ANK1: variants seen among roughly 807,000 people sequenced by gnomAD.
ANK1 encodes ankyrin-1.
A neutral mutation model predicts 210.4 loss-of-function variants in ANK1; 51 were observed. The observed-to-expected ratio is 0.24, with a 90% CI of 0.19 to 0.31. The LOEUF (loss-of-function observed/expected upper bound fraction) is 0.31. Ranked by LOEUF, ANK1 falls within the 10% of genes least tolerant of loss-of-function variation. ANK1 has a pLI of 1.00. For missense variants in ANK1, 2,051 were observed against 2,504.4 expected, an observed-to-expected ratio of 0.82 and a Z score of 3.86; for synonymous variants, 967 against 1,025.9, an observed-to-expected ratio of 0.94 and a Z score of 1.10.
At position 41,693,144 on chromosome 8, in the gene ANK1, G is replaced by A. The variant is rs760066778; in HGVS notation, c.3590C>T (p.Ala1197Val). 6.8e-6 allele frequency: 11 copies of A among 1,613,790 alleles called. No individual in the cohort carries two copies. The East Asian group carries it at 2.2e-4, about 33-fold the overall frequency. Residue 1197 changes from alanine to valine, a missense_variant, in exon 30 of 43, where the codon GCC (alanine) becomes GTC (valine). Ala to Val is a moderately conservative substitution (Grantham distance 64, BLOSUM62 0). Transcript: ENST00000289734. ...GGTGGTGAAGTTGGCGCACTCGTTG[G>A]CATATACAAGTTTGGTGGTTCCTGT... ...DITGTTKLVY[A>V]NECANFTTNV...
At chr8:41,867,962 C>T (rs1292548614) in intron 1 of ANK1, among the ~76,000 whole-genome samples, 2 of 152,196 alleles carry the variant, frequency 1.3e-5, no homozygotes, top group Non-Finnish European at 2.9e-5. Context: ...CAGGTTCAAG[C>T]GATTCTCGTG....
intron 37 of ANK1, among the ~76,000 whole-genome samples, chr8:41,682,215 C>T (rs1030101966): frequency 1.3e-5 from 2 of 152,078 alleles, no homozygotes; most frequent in Non-Finnish European, 2.9e-5. Context: ...GTCCTGTGAA[C>T]GCATCAGGAA....
rs148421003 is a variant in ANK1 at position 41,713,223 on chromosome 8, C to T, written c.1800+933G>A. Among the ~76,000 whole-genome samples, 552 of 152,318 alleles carry T rather than the reference C, an allele frequency of 3.6e-3. 4 individuals carry two copies. Among genetic ancestry groups the T allele is most frequent in the Non-Finnish European group, 5.3e-3 (360 of 68,030 alleles). ...GATCTCCCATAAATTATCCTGTTTC[C>T]CGTGCGCCTGGCTGCCCCATAGAGT... On this transcript the variant is annotated intron_variant, in intron 16 of 42. Coordinates refer to ENST00000289734, the MANE Select transcript of ANK1 (RefSeq NM_000037.4).
chr8:41,716,203 C>T (rs1161802167), intron 13 of ANK1, among the ~76,000 whole-genome samples: 2 of 152,104 alleles, frequency 1.3e-5, no homozygotes, highest in East Asian at 3.9e-4. Context: ...GCATAAAAGG[C>T]ACTCAATGCA....
intron 1 of ANK1, among the ~76,000 whole-genome samples, chr8:41,810,233 T>C (rs1802281364): frequency 6.6e-6 from 1 of 152,254 alleles, no homozygotes; most frequent in Non-Finnish European, 1.5e-5. Flanking sequence ...TTATTCATAG[T>C]TTGGCATTTC....
At chr8:41,763,915 G>C (rs1279759955) in intron 1 of ANK1, among the ~76,000 whole-genome samples, 1 of 27,324 alleles carries the variant, frequency 3.7e-5, no homozygotes. Context: ...TTTTTTTTTT[G>C]GGCTTCTCCA....
chr8:41,665,126 C>A, intron 39 of ANK1: 1 of 1,547,430 alleles, frequency 6.5e-7, no homozygotes, highest in Non-Finnish European at 8.7e-7. Flanking sequence ...CCCCAGGGAC[C>A]CCTTGCATTC....
intron 1 of ANK1, among the ~76,000 whole-genome samples, chr8:41,884,564 G>A (rs567033655): frequency 7.4e-4 from 113 of 152,094 alleles, no homozygotes; most frequent in Non-Finnish European, 1.4e-3. Context: ...GCCGAGCACC[G>A]CGGCTCGCAT....
Position 41,714,187 on chromosome 8 carries a change from G to A in ANK1, c.1769C>T (p.Pro590Leu), listed in dbSNP as rs749145574. 3 of 1,468,408 alleles carry A rather than the reference G, an allele frequency of 2.0e-6. No homozygotes were observed. Among genetic ancestry groups the A allele is most frequent in the African/African-American group, 1.4e-5 (1 of 72,148 alleles). The allele number at this position is 1,468,408 out of a possible 1,614,324, so 91.0% of individuals were successfully genotyped here. A position where few individuals can be genotyped will look rare whatever the true frequency, so the allele number is the denominator to read the frequency against. Residue 590 changes from proline to leucine, a missense_variant, in exon 16 of 43, where the codon CCC becomes CTC. Physicochemically the swap from Pro to Leu is moderately conservative, Grantham distance 98 (BLOSUM62 -3). This residue lies in a region of ANK1 where 1,413 missense variants were observed against 1,707.4 expected (regional missense o/e 0.83). Coordinates refer to ENST00000289734, the MANE Select transcript of ANK1 (RefSeq NM_000037.4). ...NNLDIVKLLL[P>L]RGGSPHSPAW... ...AGGGCTGTGCGGGGAGCCGCCCCGG[G>A]GAAGCAGCAGCTTGACGATGTCCAG...
chr8:41,753,106 A>C (rs1838204593), intron 2 of ANK1, among the ~76,000 whole-genome samples: 1 of 134,412 alleles, frequency 7.4e-6, no homozygotes, highest in Admixed American at 8.2e-5. Flanking sequence ...TCTGTTGCCC[A>C]AGCTGGAGTG....
At chr8:41,717,853 G>A in intron 11 of ANK1, 151 bp from the exon 12 acceptor site, 2 of 922,416 alleles carry the variant, frequency 2.2e-6, no homozygotes, top group Non-Finnish European at 1.7e-6. Context: ...AATGGTTGGA[G>A]AAAAAAATTA....
rs1464161575 is a variant in ANK1, at chr8:41,696,750, G to A, written c.2661C>T (p.Asp887=). 6.2e-7 allele frequency: 1 copy of A among 1,601,182 alleles called. No individual in the cohort carries two copies. The highest frequency in any genetic ancestry group is 8.5e-7 in the Non-Finnish European group (1 of 1,179,852). ...TGGCCGGGCTGCTGGGGATGAGGGA[G>A]TCCTCATCATACTCTTTAGATGCCT... ...QEQASKEYDE[D]SLIPSSPATE... The change falls in exon 25 of 43, where the codon GAC becomes GAT. Residue 887 remains aspartate (D), a synonymous_variant. Transcript: ENST00000289734.
chr8:41,732,884 C>T (rs1021195655), intron 3 of ANK1, among the ~76,000 whole-genome samples: 1 of 151,546 alleles, frequency 6.6e-6, no homozygotes, highest in South Asian at 2.1e-4. Context: ...ATTACAGGCG[C>T]CCGCCACCAC....
At chr8:41,674,228 C>G (rs1813431069) in intron 37 of ANK1, among the ~76,000 whole-genome samples, 1 of 152,212 alleles carries the variant, frequency 6.6e-6, no homozygotes, top group Non-Finnish European at 1.5e-5. Flanking sequence ...CACTGTTCAA[C>G]CAAAATAAGA....
Position 41,746,926 on chromosome 8 carries a change from G to A in ANK1, c.129+11110C>T, listed in dbSNP as rs116273864. ...AGAAGGGCAGTGGGGTCAGGAGAAA[G>A]GAACCCTGGGCTTCTAAACTGTCCT... is the stretch of plus-strand genomic sequence containing the variant. On this transcript the variant is annotated intron_variant, in intron 2 of 42. Coordinates refer to ENST00000289734, the MANE Select transcript of ANK1 (RefSeq NM_000037.4). 6.4e-3 allele frequency among the ~76,000 whole-genome samples: 967 copies of A among 151,134 alleles called. 15 individuals carry two copies. The highest frequency in any genetic ancestry group is 0.022 in the African/African-American group (902 of 41,226).
intron 1 of ANK1, among the ~76,000 whole-genome samples, chr8:41,891,590 C>A (rs759213720): frequency 2.0e-5 from 3 of 152,244 alleles, no homozygotes; most frequent in Non-Finnish European, 4.4e-5. Flanking sequence ...CCTGGTCTAG[C>A]CTATGGCTGG....
rs1389925165 is a variant in ANK1, at chr8:41,672,758, A to G, written c.4692T>C (p.Ser1564=). 6.2e-7 allele frequency: 1 copy of G among 1,602,562 alleles called. No homozygotes were observed. Among genetic ancestry groups the G allele is most frequent in the African/African-American group, 1.3e-5 (1 of 74,724 alleles). ...ATEHDTMLEM[S]DMQVWSAGLT... The stretch of plus-strand genomic sequence containing the variant: ...GGCCCGCAGACCACACCTGCATGTC[A>G]GACATCTCCAGCATGGTGTCATGCT... The change falls in exon 38 of 43, where the codon TCT becomes TCC. Residue 1564 remains serine (S), a synonymous_variant. Coordinates refer to ENST00000289734, the MANE Select transcript of ANK1 (RefSeq NM_000037.4).
At position 41,694,537 on chromosome 8, in the gene ANK1, C is replaced by G. The variant is rs774125362; in HGVS notation, c.3327+55G>C. The G allele has an allele frequency of 3.2e-6, 5 of 1,552,624 alleles. No individual in the cohort carries two copies. The African/African-American group carries it at 6.8e-5, about 21-fold the overall frequency. ...GTCCTGGGGAAGAGGGTGGCCTTCCCGGAGGCCTGGAGTTCAGTCCACCCC... is the reference window on the plus strand; with the variant it reads ...GTCCTGGGGAAGAGGGTGGCCTTCCGGGAGGCCTGGAGTTCAGTCCACCCC... On this transcript the variant is annotated intron_variant, in intron 28 of 42. Coordinates refer to ENST00000289734, the MANE Select transcript of ANK1 (RefSeq NM_000037.4). The surrounding 1 kb of genome is among the most constrained non-coding windows in gnomAD (Gnocchi z 5.7).
intron 1 of ANK1, among the ~76,000 whole-genome samples, chr8:41,845,388 CAA>C (rs199999874): frequency 2.3e-5 from 3 of 130,626 alleles, no homozygotes; most frequent in African/African-American, 5.4e-5. Flanking sequence ...GACTCCATCC[CAA>C]AAAAAAAAAG....
Sources: allele counts gnomAD v4.1 joint callset (sites outside exome capture counted in the v4.1 genomes callset), GRCh38; gene constraint gnomAD v4.1.1; regional missense constraint gnomAD v4.1.1; non-coding constraint Gnocchi (gnomAD v3.1); transcripts MANE v1.5; gene names NCBI Gene and HGNC (gene_info 2026-07-23, HGNC 2026-07-21).